The following FRMD6 variants were observed in gnomAD, a reference collection of about 807,000 sequenced individuals.
FRMD6 encodes the protein FERM domain-containing protein 6.
A neutral mutation model predicts 73.2 loss-of-function variants in FRMD6; 37 were observed. The ratio of observed to expected loss-of-function variants is 0.51; its 90% CI spans 0.39 to 0.66. The LOEUF is 0.66. Ranked by LOEUF, FRMD6 falls within the 30% of genes least tolerant of loss-of-function variation. The pLI, the probability that FRMD6 is intolerant of heterozygous loss-of-function variation, is 0.00. For synonymous variants in FRMD6, 273 were observed against 282.2 expected, an observed-to-expected ratio of 0.97 and a Z score of 0.33; for missense variants, 714 against 780.5, an observed-to-expected ratio of 0.91 and a Z score of 1.02.
the FRMD6 span, among the ~76,000 whole-genome samples, chr14:51,402,418 T>C: frequency 7.9e-5 from 12 of 152,230 alleles, no homozygotes; most frequent in African/African-American, 2.9e-4. Context: ...CCCTTGCTGT[T>C]CTCATGATAG....
chr14:51,426,224 T>C, the FRMD6 span, among the ~76,000 whole-genome samples: 2 of 152,180 alleles, frequency 1.3e-5, no homozygotes, highest in South Asian at 4.1e-4. Flanking sequence ...CTTCTACTTC[T>C]CTTGGAACTT....
upstream of FRMD6, among the ~76,000 whole-genome samples, chr14:51,486,637 A>C (rs2140152770): frequency 6.6e-6 from 1 of 152,300 alleles, no homozygotes; most frequent in African/African-American, 2.4e-5. Flanking sequence ...TACAATGCTA[A>C]TCTCTTTCCT....
intron 1 of FRMD6, among the ~76,000 whole-genome samples, chr14:51,550,309 G>A (rs960972218): frequency 6.6e-6 from 1 of 152,060 alleles, no homozygotes; most frequent in Non-Finnish European, 1.5e-5. Context: ...TGCAATCATG[G>A]CTCACTGCAG....
At chr14:51,676,454 T>G (rs962417602) in intron 1 of FRMD6, among the ~76,000 whole-genome samples, 15 of 152,304 alleles carry the variant, frequency 9.8e-5, no homozygotes, top group African/African-American at 3.6e-4. Context: ...AATAACATTT[T>G]TTAAGTATGT....
chr14:51,730,708 G>T lies in FRMD6; in HGVS notation c.*2679G>T, dbSNP rs1898213682. On this transcript the variant is annotated 3_prime_UTR_variant, in exon 14 of 14. Transcript: ENST00000344768. ...CATGGTAAGATTAGCAGTCAATAAA[G>T]TTACTTTTTTGCCTTTAAATTGCCT... The T allele has an allele frequency of 1.3e-5, 2 of 152,164 alleles. No homozygotes were observed. The highest frequency in any genetic ancestry group is 4.1e-4 in the South Asian group (2 of 4,826). 9.4% of individuals were successfully genotyped at this position (152,164 alleles called of 1,614,324 possible).
At chr14:51,407,695 T>A in the FRMD6 span, among the ~76,000 whole-genome samples, 1 of 152,096 alleles carries the variant, frequency 6.6e-6, no homozygotes, top group Non-Finnish European at 1.5e-5. Context: ...AATATTTTTC[T>A]AATTTTCATT....
chr14:51,545,512 A>T (rs1322843603), intron 1 of FRMD6, among the ~76,000 whole-genome samples: 1 of 152,118 alleles, frequency 6.6e-6, no homozygotes, highest in East Asian at 1.9e-4. Context: ...TTAAACTGTC[A>T]GTTGCTTGAA....
chr14:51,643,521 T>A (rs1335735151), intron 2 of FRMD6: 4 of 152,142 alleles, frequency 2.6e-5, no homozygotes, highest in Non-Finnish European at 5.9e-5. Flanking sequence ...TTTGGGATTG[T>A]TAAGAAAGCT....
At chr14:51,409,370 G>C in the FRMD6 span, among the ~76,000 whole-genome samples, 4 of 109,456 alleles carry the variant, frequency 3.7e-5, no homozygotes. Context: ...TTGCCTCAGA[G>C]AATGTCTTGT....
chr14:51,708,276 ATCT>A (rs1336323626), intron 7 of FRMD6, 43 bp downstream of exon 7: 1 of 1,564,786 alleles, frequency 6.4e-7, no homozygotes, highest in Non-Finnish European at 8.8e-7. Context: ...AGAAAAAAAC[ATCT>A]TCTCAATAGG....
At chr14:51,517,991 C>T (rs995453677) in intron 1 of FRMD6, among the ~76,000 whole-genome samples, 4 of 152,028 alleles carry the variant, frequency 2.6e-5, no homozygotes, top group Admixed American at 6.6e-5. Context: ...GAGTTCCTCT[C>T]GGACAAGTAT....
chr14:51,646,807 T>A (rs191442572), intron 2 of FRMD6, among the ~76,000 whole-genome samples: 1 of 151,898 alleles, frequency 6.6e-6, no homozygotes, highest in East Asian at 1.9e-4. Flanking sequence ...ACATAATTCC[T>A]CAACTATATT....
intron 2 of FRMD6, among the ~76,000 whole-genome samples, chr14:51,605,291 G>A (rs980943158): frequency 1.2e-4 from 18 of 152,002 alleles, no homozygotes; most frequent in Admixed American, 7.9e-4. Context: ...GGGGCCTTCC[G>A]CAGTGTTTGT....
At chr14:51,632,624 C>T (rs149503818) in intron 2 of FRMD6, among the ~76,000 whole-genome samples, 1,999 of 152,324 alleles carry the variant, frequency 0.013, 18 homozygotes, top group Middle Eastern at 0.031. Context: ...CACCCCTCTC[C>T]ATCTCACACC....
chr14:51,425,730 C>T, the FRMD6 span, among the ~76,000 whole-genome samples: 2 of 152,184 alleles, frequency 1.3e-5, no homozygotes, highest in Non-Finnish European at 2.9e-5. Context: ...TAACCTACCC[C>T]AGACCACCCT....
At chr14:51,712,001 C>T (rs570551758) in intron 8 of FRMD6, among the ~76,000 whole-genome samples, 21 of 152,180 alleles carry the variant, frequency 1.4e-4, no homozygotes, top group East Asian at 5.8e-4. Flanking sequence ...TTTTAATTTC[C>T]GTTATACTTT....
intron 1 of FRMD6, among the ~76,000 whole-genome samples, chr14:51,665,523 C>T (rs975554675): frequency 1.3e-5 from 2 of 152,186 alleles, no homozygotes; most frequent in South Asian, 2.1e-4. Flanking sequence ...CCTTCCGCTG[C>T]GTCCGAGCTG....
intron 7 of FRMD6, among the ~76,000 whole-genome samples, chr14:51,709,550 C>T (rs1438394582): frequency 6.6e-6 from 1 of 152,152 alleles, no homozygotes; most frequent in Admixed American, 6.6e-5. Flanking sequence ...AAGGGACCAA[C>T]TGATGTTTTT....
rs73290930 is a variant in FRMD6, at chr14:51,624,650, C to T, written c.-147+54240C>T. ...CTTTTATAAAATGGCCTCTGTAAGG[C>T]TCTGCTTAGCGAGTGGACAAGAGTG... On this transcript the variant is annotated intron_variant, in intron 2 of 14. Coordinates refer to the FRMD6 transcript ENST00000356218. Among the ~76,000 whole-genome samples, 1,219 of 152,276 alleles carry T rather than the reference C, an allele frequency of 8.0e-3. 18 individuals are homozygous for T. The highest frequency in any genetic ancestry group is 0.028 in the African/African-American group (1,163 of 41,550).
Sources: allele counts gnomAD v4.1 joint callset (sites outside exome capture counted in the v4.1 genomes callset), GRCh38; gene constraint gnomAD v4.1.1; transcripts MANE v1.5; gene names NCBI Gene and HGNC (gene_info 2026-07-23, HGNC 2026-07-21).